The following CNTNAP2 variants were observed in gnomAD, a reference collection of about 807,000 sequenced individuals.
CNTNAP2 encodes the protein contactin associated protein 2, also known as contactin-associated protein-like 2.
CNTNAP2 carries 98 observed loss-of-function variants against 155.2 expected under a neutral mutation model. That is an observed-to-expected ratio of 0.63 (90% CI 0.54 to 0.75). The LOEUF is 0.75. Ranked by LOEUF, CNTNAP2 falls within the 30% of genes least tolerant of loss-of-function variation. The pLI, the probability that CNTNAP2 is intolerant of heterozygous loss-of-function variation, is 0.00. For synonymous variants in CNTNAP2, 651 were observed against 631.2 expected, an observed-to-expected ratio of 1.03 and a Z score of -0.47; for missense variants, 1,727 against 1,688.1, an observed-to-expected ratio of 1.02 and a Z score of -0.40.
At chr7:146,833,082 T>C (rs1453261913) in intron 2 of CNTNAP2, among the ~76,000 whole-genome samples, 1 of 152,238 alleles carries the variant, frequency 6.6e-6, no homozygotes, top group Non-Finnish European at 1.5e-5. Context: ...CTTTTGCATT[T>C]CTAAAACTAC....
At chr7:147,907,384 T>C (rs1799981220) in intron 14 of CNTNAP2, among the ~76,000 whole-genome samples, 1 of 152,198 alleles carries the variant, frequency 6.6e-6, no homozygotes, top group African/African-American at 2.4e-5. Flanking sequence ...AAATAGCTCT[T>C]AAAATGGTCT....
At chr7:146,161,706 C>T (rs1385420850) in intron 1 of CNTNAP2, among the ~76,000 whole-genome samples, 1 of 152,176 alleles carries the variant, frequency 6.6e-6, no homozygotes, top group African/African-American at 2.4e-5. Flanking sequence ...ATTGCCAAGA[C>T]AATCCTAAGC....
intron 1 of CNTNAP2, among the ~76,000 whole-genome samples, chr7:146,551,695 A>G (rs10277848): frequency 0.037 from 5,633 of 152,136 alleles, 364 homozygotes; most frequent in African/African-American, 0.13. Context: ...AGTGTTATTT[A>G]TTTTCTGGTC....
intron 13 of CNTNAP2, among the ~76,000 whole-genome samples, chr7:147,683,094 G>C (rs1795971115): frequency 6.6e-6 from 1 of 151,848 alleles, no homozygotes; most frequent in South Asian, 2.1e-4. Flanking sequence ...TGAGTGGACA[G>C]AATGCTATGA....
chr7:146,215,833 C>T (rs915208203), intron 1 of CNTNAP2, among the ~76,000 whole-genome samples: 21 of 152,096 alleles, frequency 1.4e-4, no homozygotes, highest in Admixed American at 4.6e-4. Flanking sequence ...TCTCTGCCGT[C>T]GGCTGATATC....
At chr7:146,461,265 C>G (rs1285647727) in intron 1 of CNTNAP2, among the ~76,000 whole-genome samples, 1 of 151,642 alleles carries the variant, frequency 6.6e-6, no homozygotes, top group Non-Finnish European at 1.5e-5. Flanking sequence ...ATTAGCTGGG[C>G]GTGGTGGCAG....
chr7:147,804,907 C>T (rs948093618), intron 13 of CNTNAP2, among the ~76,000 whole-genome samples: 1 of 152,056 alleles, frequency 6.6e-6, no homozygotes, highest in African/African-American at 2.4e-5. Context: ...TCCACAGTTG[C>T]CTTTTTCTCT....
At chr7:147,113,713 G>T (rs558683711) in intron 5 of CNTNAP2, among the ~76,000 whole-genome samples, 1 of 152,244 alleles carries the variant, frequency 6.6e-6, no homozygotes, top group South Asian at 2.1e-4. Flanking sequence ...TACAATTCAA[G>T]ATACGATTTG....
At chr7:146,456,011 T>A (rs778481828) in intron 1 of CNTNAP2, among the ~76,000 whole-genome samples, 3 of 152,164 alleles carry the variant, frequency 2.0e-5, no homozygotes, top group Admixed American at 1.3e-4. Flanking sequence ...TCTGAGCACA[T>A]GCATACATAT....
chr7:146,181,513 A>G (rs980020980), intron 1 of CNTNAP2, among the ~76,000 whole-genome samples: 1 of 152,140 alleles, frequency 6.6e-6, no homozygotes, highest in Admixed American at 6.6e-5. Context: ...ATATCCTTCC[A>G]TAACCGTGCC....
intron 20 of CNTNAP2, among the ~76,000 whole-genome samples, chr7:148,257,375 C>T (rs987430949): frequency 1.3e-5 from 2 of 152,228 alleles, no homozygotes; most frequent in African/African-American, 2.4e-5. Flanking sequence ...GGCTGTTGCT[C>T]GTTTATTCCA....
chr7:146,168,607 C>G (rs1165486078), intron 1 of CNTNAP2, among the ~76,000 whole-genome samples: 1 of 152,166 alleles, frequency 6.6e-6, no homozygotes, highest in Non-Finnish European at 1.5e-5. Flanking sequence ...ACTCTTCTCT[C>G]CTGCTCACAT....
intron 14 of CNTNAP2, among the ~76,000 whole-genome samples, chr7:147,911,052 C>T (rs1414256530): frequency 6.6e-6 from 1 of 152,148 alleles, no homozygotes; most frequent in Admixed American, 6.5e-5. Context: ...CACCATCATC[C>T]ATCTCCAGAG....
At chr7:148,130,239 A>G (rs1804801798) in intron 16 of CNTNAP2, among the ~76,000 whole-genome samples, 1 of 152,246 alleles carries the variant, frequency 6.6e-6, no homozygotes, top group Non-Finnish European at 1.5e-5. Flanking sequence ...TCTTGATAGA[A>G]CACTGCATTT....
chr7:146,258,929 C>T (rs2129081183), intron 1 of CNTNAP2, among the ~76,000 whole-genome samples: 1 of 152,268 alleles, frequency 6.6e-6, no homozygotes, highest in Non-Finnish European at 1.5e-5. Context: ...CTCTGTGTCC[C>T]TACCCAAGTC....
chr7:147,150,390 G>A (rs529848615), intron 8 of CNTNAP2, among the ~76,000 whole-genome samples: 42 of 152,144 alleles, frequency 2.8e-4, no homozygotes, highest in African/African-American at 8.2e-4. Flanking sequence ...GAACAGTATT[G>A]TAATTTTGTT....
chr7:146,540,281 G>A lies in CNTNAP2; in HGVS notation c.98-233990G>A, dbSNP rs536242060. Among the ~76,000 whole-genome samples, 5 of 152,144 alleles carry A rather than the reference G, an allele frequency of 3.3e-5. No individual in the cohort carries two copies. The South Asian group carries it at 1.0e-3, about 32-fold the overall frequency. ...ATGGTGTCCGTTTCAATGTTCTGTT[G>A]AGAGTTTACCTATCTTGTGAAGTTT... On this transcript the variant is annotated intron_variant, in intron 1 of 23. Transcript: ENST00000361727.
chr7:148,131,903 G>A (rs1311710945), intron 16 of CNTNAP2, among the ~76,000 whole-genome samples: 1 of 151,860 alleles, frequency 6.6e-6, no homozygotes, highest in Non-Finnish European at 1.5e-5. Context: ...TTTAAATATA[G>A]TGAGGGACTG....
At chr7:146,497,916 C>T (rs200868056) in intron 1 of CNTNAP2, among the ~76,000 whole-genome samples, 1 of 148,706 alleles carries the variant, frequency 6.7e-6, no homozygotes, top group Non-Finnish European at 1.5e-5. Flanking sequence ...CATATATAAA[C>T]ATATATTCTA....
Sources: allele counts gnomAD v4.1 joint callset (sites outside exome capture counted in the v4.1 genomes callset), GRCh38; gene constraint gnomAD v4.1.1; transcripts MANE v1.5; gene names NCBI Gene and HGNC (gene_info 2026-07-23, HGNC 2026-07-21).